The following OPCML variants were observed in gnomAD, a reference collection of about 807,000 sequenced individuals.
OPCML encodes the protein opioid binding protein/cell adhesion molecule like.
OPCML carries 13 observed loss-of-function variants against 37.8 expected under a neutral mutation model. That is an observed-to-expected ratio of 0.34 (90% CI 0.22 to 0.55). The LOEUF (loss-of-function observed/expected upper bound fraction) is 0.55. OPCML is among the 20% of genes least tolerant of loss of function. The probability of loss-of-function intolerance (pLI) is 0.91; values close to 1 mark genes in which losing one functional copy is unlikely to be tolerated. For synonymous variants in OPCML, 176 were observed against 168.8 expected (o/e 1.04, Z -0.33); for missense variants, 341 against 435.6 (o/e 0.78, Z 1.93).
intron 2 of OPCML, among the ~76,000 whole-genome samples, chr11:132,726,890 C>G (rs1010979185): frequency 5.3e-5 from 8 of 152,126 alleles, no homozygotes; most frequent in African/African-American, 1.9e-4. Context: ...CCTACCAAAC[C>G]CCTCCCTTTT....
chr11:133,003,466 T>A (rs1171145044), intron 1 of OPCML, among the ~76,000 whole-genome samples: 1 of 152,198 alleles, frequency 6.6e-6, no homozygotes, highest in South Asian at 2.1e-4. Context: ...TTTGTAAGGA[T>A]ACAAGTGACT....
chr11:132,898,393 C>A (rs1943927086), intron 2 of OPCML, among the ~76,000 whole-genome samples: 1 of 152,160 alleles, frequency 6.6e-6, no homozygotes, highest in Non-Finnish European at 1.5e-5. Flanking sequence ...TGGTATTTCA[C>A]ACAGTGTATC....
chr11:132,461,885 G>A (rs983256568), intron 4 of OPCML, among the ~76,000 whole-genome samples: 4 of 152,098 alleles, frequency 2.6e-5, no homozygotes, highest in Non-Finnish European at 4.4e-5. Context: ...TCACTATCAC[G>A]AGAACAGCAT....
At chr11:133,168,618 C>T (rs1333218952) in intron 1 of OPCML, among the ~76,000 whole-genome samples, 1 of 152,094 alleles carries the variant, frequency 6.6e-6, no homozygotes, top group Non-Finnish European at 1.5e-5. Flanking sequence ...TTGTAGCTAG[C>T]CTTAGTTGAT....
chr11:132,422,023 G>A (rs2095961088), intron 7 of OPCML, among the ~76,000 whole-genome samples: 1 of 151,840 alleles, frequency 6.6e-6, no homozygotes, highest in Admixed American at 6.6e-5. Context: ...AGGCCCATAT[G>A]TTTCTTTAAA....
chr11:132,736,005 ATAGCCCAGGCCTT>A, intron 2 of OPCML, among the ~76,000 whole-genome samples: 1 of 152,298 alleles, frequency 6.6e-6, no homozygotes, highest in East Asian at 1.9e-4. Flanking sequence ...CCATGGAGAA[ATAGCCCAGGCCTT>A]GTGTCTGAAT....
intron 1 of OPCML, among the ~76,000 whole-genome samples, chr11:133,127,487 G>T (rs1232041639): frequency 6.6e-6 from 1 of 151,942 alleles, no homozygotes; most frequent in East Asian, 1.9e-4. Context: ...ACAAAAATTA[G>T]CCAGGCATGG....
At chr11:132,796,562 TTTC>T (rs1245161091) in intron 2 of OPCML, among the ~76,000 whole-genome samples, 8 of 141,410 alleles carry the variant, frequency 5.7e-5, no homozygotes, top group African/African-American at 1.6e-4. Context: ...ACTTTTCTTC[TTTC>T]TTTTTTTTTT....
rs187429963 is a variant in OPCML, at chr11:132,825,963, G to A, written c.146+116963C>T. Among the ~76,000 whole-genome samples, 12 of 152,204 alleles carry A rather than the reference G, an allele frequency of 7.9e-5. No individual in the cohort carries two copies. The East Asian group carries it at 1.7e-3, about 22-fold the overall frequency. The stretch of plus-strand genomic sequence containing the variant: ...TTCTCTTTGTCCATGTGTGAACCCC[G>A]CTACCTCCCTAACCACTCAGGGTTT... On this transcript the variant is annotated intron_variant, in intron 2 of 7. Coordinates refer to ENST00000524381, the MANE Select transcript of OPCML (RefSeq NM_001012393.5).
intron 1 of OPCML, among the ~76,000 whole-genome samples, chr11:133,222,838 CT>C (rs1302077404): frequency 6.6e-6 from 1 of 152,098 alleles, no homozygotes; most frequent in East Asian, 1.9e-4. Flanking sequence ...ACTAAGAGCC[CT>C]GTCATTAATC....
chr11:133,168,064 A>C (rs1460752566), intron 1 of OPCML, among the ~76,000 whole-genome samples: 2 of 152,162 alleles, frequency 1.3e-5, no homozygotes, highest in Non-Finnish European at 2.9e-5. Flanking sequence ...CCATGGGAAA[A>C]AGTGAGAAGT....
At chr11:133,354,141 T>TA (rs1158433905) in intron 1 of OPCML, among the ~76,000 whole-genome samples, 4 of 2,674 alleles carry the variant, frequency 1.5e-3, no homozygotes, top group Non-Finnish European at 2.3e-3. Flanking sequence ...AGGGCGTTTA[T>TA]AAAAAACCTA....
rs564084235 is a variant in OPCML, at chr11:132,698,565, T to G, written c.147-41246A>C. 3.0e-4 allele frequency among the ~76,000 whole-genome samples: 46 copies of G among 152,350 alleles called. 1 individual carries two copies. Among genetic ancestry groups the G allele is most frequent in the African/African-American group, 1.1e-3 (44 of 41,578 alleles). On this transcript the variant is annotated intron_variant, in intron 2 of 7. Coordinates refer to ENST00000524381, the MANE Select transcript of OPCML (RefSeq NM_001012393.5). ...TCTCAGATATATGGTTTGCAAATATTTTCTCCCATTCTTTAGGCTGTCTCT... is the reference window on the plus strand; with the variant it reads ...TCTCAGATATATGGTTTGCAAATATGTTCTCCCATTCTTTAGGCTGTCTCT...
intron 4 of OPCML, among the ~76,000 whole-genome samples, chr11:132,495,629 T>C (rs1011778860): frequency 2.0e-5 from 3 of 152,166 alleles, no homozygotes; most frequent in African/African-American, 7.2e-5. Context: ...CAGTGGCTCA[T>C]GCCTATAATC....
At chr11:133,383,017 A>G (rs533823204) in intron 1 of OPCML, among the ~76,000 whole-genome samples, 1 of 152,040 alleles carries the variant, frequency 6.6e-6, no homozygotes, top group Admixed American at 6.5e-5. Context: ...AAAAGGAGCT[A>G]CATTTCCTCT....
At chr11:132,832,375 A>C (rs12786237) in intron 2 of OPCML, among the ~76,000 whole-genome samples, 13,270 of 152,224 alleles carry the variant, frequency 0.087, 652 homozygotes, top group Non-Finnish European at 0.11. Flanking sequence ...AGAGACCTAG[A>C]CTATGTTAAA....
At chr11:133,395,543 G>A (rs1945266701) in intron 1 of OPCML, among the ~76,000 whole-genome samples, 1 of 152,116 alleles carries the variant, frequency 6.6e-6, no homozygotes, top group South Asian at 2.1e-4. Flanking sequence ...TTAGATTTAA[G>A]TCTTTAATCT....
chr11:132,896,100 TTGAG>T (rs1198292345), intron 2 of OPCML, among the ~76,000 whole-genome samples: 1 of 152,122 alleles, frequency 6.6e-6, no homozygotes, highest in African/African-American at 2.4e-5. Flanking sequence ...GTTTGTTTGA[TTGAG>T]TGGTAAAACA....
In OPCML at chr11:133,409,884, G is replaced by A. The variant is rs143934109; in HGVS notation, c.61+122380C>T. On this transcript the variant is annotated intron_variant, in intron 1 of 7. Coordinates refer to ENST00000524381, the MANE Select transcript of OPCML (RefSeq NM_001012393.5). ...AGACAAACAGAATACTCCATATTGT[G>A]TGATGCAGTCTCTTCATAAGGAGAA... Among the ~76,000 whole-genome samples the A allele has an allele frequency of 9.2e-5, 14 of 152,222 alleles. No homozygotes were observed. In the East Asian group the frequency reaches 2.7e-3, roughly 29 times the overall value.
Sources: allele counts gnomAD v4.1 joint callset (sites outside exome capture counted in the v4.1 genomes callset), GRCh38; gene constraint gnomAD v4.1.1; transcripts MANE v1.5; gene names NCBI Gene and HGNC (gene_info 2026-07-23, HGNC 2026-07-21).